The following RSU1 variants were observed in gnomAD, a reference collection of about 807,000 sequenced individuals.
RSU1 encodes rsu-1.
In RSU1, 26 loss-of-function variants were observed where a neutral mutation model predicts 31.1. The observed-to-expected ratio is 0.84, with a 90% CI of 0.61 to 1.16. The LOEUF (loss-of-function observed/expected upper bound fraction) is 1.16. RSU1 is among the 50% of genes most tolerant of loss of function. The probability of loss-of-function intolerance (pLI) is 0.00; values close to 1 mark genes in which losing one functional copy is unlikely to be tolerated. For missense variants in RSU1, 320 were observed against 339.1 expected (o/e 0.94, Z 0.44); for synonymous variants, 164 against 136.3 (o/e 1.20, Z -1.41).
chr10:16,779,855 T>C (rs965552195), intron 3 of RSU1, among the ~76,000 whole-genome samples: 4 of 152,094 alleles, frequency 2.6e-5, no homozygotes, highest in Admixed American at 1.3e-4. Context: ...GCCAGAAAAA[T>C]AGTAAAGGAT....
intron 8 of RSU1, among the ~76,000 whole-genome samples, chr10:16,614,327 G>T (rs1027906646): frequency 1.3e-5 from 2 of 152,028 alleles, no homozygotes; most frequent in African/African-American, 4.8e-5. Context: ...TGAACTCATG[G>T]AGATAGAGAG....
chr10:16,677,838 A>C (rs968271371), intron 8 of RSU1, among the ~76,000 whole-genome samples: 1 of 152,228 alleles, frequency 6.6e-6, no homozygotes, highest in African/African-American at 2.4e-5. Context: ...TACATTTGTT[A>C]GTTGCAAGAC....
At chr10:16,645,877 T>TCCCACCCCTTCTGAGTGATAG (rs1564298128) in intron 8 of RSU1, among the ~76,000 whole-genome samples, 2 of 108,076 alleles carry the variant, frequency 1.9e-5, no homozygotes, top group African/African-American at 1.1e-4. Flanking sequence ...TATACATATA[T>TCCCACCCCTTCTGAGTGATAG]GTGTATATAC....
intron 1 of RSU1, 107 bp downstream of exon 1, chr10:16,817,208 C>G: frequency 4.3e-6 from 3 of 702,110 alleles, no homozygotes. Context: ...CCGAGGGCGT[C>G]CCAGGGGCTG....
intron 8 of RSU1, among the ~76,000 whole-genome samples, chr10:16,690,915 C>T (rs1194401641): frequency 6.6e-6 from 1 of 151,994 alleles, no homozygotes; most frequent in Non-Finnish European, 1.5e-5. Context: ...TAAAGATAGA[C>T]AAATACACAT....
At chr10:16,761,552 G>C (rs1481765632) in intron 4 of RSU1, among the ~76,000 whole-genome samples, 1 of 152,106 alleles carries the variant, frequency 6.6e-6, no homozygotes, top group Non-Finnish European at 1.5e-5. Context: ...GCAGTGCTGT[G>C]AGCGTTTAAA....
intron 8 of RSU1, among the ~76,000 whole-genome samples, chr10:16,606,337 T>A (rs1377701644): frequency 6.6e-6 from 1 of 152,180 alleles, no homozygotes; most frequent in Admixed American, 6.5e-5. Flanking sequence ...GGGATCTTGC[T>A]ATATTGCCCA....
intron 8 of RSU1, among the ~76,000 whole-genome samples, chr10:16,636,952 C>T (rs141306565): frequency 5.3e-5 from 8 of 152,288 alleles, no homozygotes; most frequent in African/African-American, 1.9e-4. Flanking sequence ...TGCATGAGGA[C>T]AGGGATTCTG....
intron 8 of RSU1, among the ~76,000 whole-genome samples, chr10:16,675,545 A>G (rs1835211799): frequency 6.6e-6 from 1 of 152,190 alleles, no homozygotes; most frequent in African/African-American, 2.4e-5. Context: ...ATTCCAGAAC[A>G]CTAGAGACCA....
intron 3 of RSU1, among the ~76,000 whole-genome samples, chr10:16,768,071 A>G (rs1837349869): frequency 1.3e-5 from 2 of 152,232 alleles, no homozygotes; most frequent in Non-Finnish European, 2.9e-5. Context: ...GCACATCAGT[A>G]TATTTCTTAC....
intron 7 of RSU1, among the ~76,000 whole-genome samples, chr10:16,751,776 G>A (rs1216119295): frequency 6.6e-6 from 1 of 152,190 alleles, no homozygotes; most frequent in Admixed American, 6.6e-5. Flanking sequence ...CGCAGTTTGA[G>A]AAAACAATGT....
chr10:16,618,154 A>G (rs1311023378), intron 8 of RSU1, among the ~76,000 whole-genome samples: 1 of 152,172 alleles, frequency 6.6e-6, no homozygotes, highest in African/African-American at 2.4e-5. Context: ...CAACCCTACC[A>G]AAAAGTGGGC....
chr10:16,717,345 T>G (rs898156574), intron 7 of RSU1, among the ~76,000 whole-genome samples: 2 of 152,204 alleles, frequency 1.3e-5, no homozygotes, highest in African/African-American at 4.8e-5. Context: ...ACATAAAAAC[T>G]GCAACAACTG....
chr10:16,622,902 C>A (rs1367023968), intron 8 of RSU1, among the ~76,000 whole-genome samples: 2 of 152,164 alleles, frequency 1.3e-5, no homozygotes, highest in South Asian at 2.1e-4. Context: ...TTTGCAGATA[C>A]AATTCAATGA....
At chr10:16,811,587 G>A (rs540590758) in intron 2 of RSU1, among the ~76,000 whole-genome samples, 3 of 152,320 alleles carry the variant, frequency 2.0e-5, no homozygotes, top group African/African-American at 7.2e-5. Flanking sequence ...TCAGAGGACT[G>A]ACAAAAAGTC....
intron 2 of RSU1, among the ~76,000 whole-genome samples, chr10:16,796,688 T>C (rs1362205038): frequency 1.3e-5 from 2 of 152,120 alleles, no homozygotes; most frequent in Non-Finnish European, 2.9e-5. Context: ...AGGAGAAGCT[T>C]ATTTTTCCCA....
intron 7 of RSU1, among the ~76,000 whole-genome samples, chr10:16,698,272 A>C (rs1174880813): frequency 6.6e-6 from 1 of 152,044 alleles, no homozygotes; most frequent in Admixed American, 6.6e-5. Context: ...CCGAGTCCCA[A>C]GCCTTGCTCG....
At chr10:16,793,600 C>T (rs752074806) in intron 2 of RSU1, among the ~76,000 whole-genome samples, 1 of 151,962 alleles carries the variant, frequency 6.6e-6, no homozygotes, top group Non-Finnish European at 1.5e-5. Context: ...TCTGAAGATG[C>T]CTGAGAGAAT....
At chr10:16,800,532 C>A (rs553339655) in intron 2 of RSU1, among the ~76,000 whole-genome samples, 10 of 152,114 alleles carry the variant, frequency 6.6e-5, no homozygotes, top group Non-Finnish European at 5.9e-5. Flanking sequence ...ACTTCCTAAA[C>A]TGAAAAGCAA....
Sources: gnomAD v4.1 joint callset for allele counts (sites outside exome capture counted in the v4.1 genomes callset) on GRCh38, gnomAD v4.1.1 for gene constraint, MANE v1.5 for transcripts, NCBI Gene and HGNC (gene_info 2026-07-23, HGNC 2026-07-21) for gene names.